The following KCNG3 variants were observed in gnomAD, a reference collection of about 807,000 sequenced individuals.
KCNG3 encodes the protein potassium voltage-gated channel modifier subfamily G member 3.
KCNG3 carries 15 observed loss-of-function variants against 29.0 expected under a neutral mutation model. The ratio of observed to expected loss-of-function variants is 0.52; its 90% CI spans 0.35 to 0.80. The LOEUF is 0.80. Ranked by LOEUF, KCNG3 falls within the 30% of genes least tolerant of loss-of-function variation. The probability of loss-of-function intolerance (pLI) is 0.01; values close to 1 mark genes in which losing one functional copy is unlikely to be tolerated. For synonymous variants in KCNG3, 322 were observed against 248.9 expected, an observed-to-expected ratio of 1.29 and a Z score of -2.76; for missense variants, 512 against 605.7, an observed-to-expected ratio of 0.85 and a Z score of 1.62.
the KCNG3 span, among the ~76,000 whole-genome samples, chr2:42,390,680 C>T: frequency 2.0e-5 from 3 of 152,246 alleles, no homozygotes; most frequent in African/African-American, 7.2e-5. Flanking sequence ...TTTCTCAGAA[C>T]TGTCAAACTG....
At chr2:42,417,345 G>A in the KCNG3 span, among the ~76,000 whole-genome samples, 2 of 152,106 alleles carry the variant, frequency 1.3e-5, no homozygotes, top group Non-Finnish European at 2.9e-5. Context: ...TTTGGAGACA[G>A]GGTCTCATTC....
At chr2:42,462,923 C>A (rs960322595) in intron 1 of KCNG3, among the ~76,000 whole-genome samples, 3 of 152,030 alleles carry the variant, frequency 2.0e-5, no homozygotes, top group African/African-American at 7.2e-5. Flanking sequence ...CTACCAAATT[C>A]CCCCCAAGTC....
Position 42,492,822 on chromosome 2 carries a change from A to G in KCNG3, c.665+15T>C. On this transcript the variant is annotated intron_variant, in intron 1 of 1. Transcript: ENST00000306078. Reference sequence around the variant, plus strand: ...ACAGGACGGACGGGACGGGTAGAGAAGCAGTGCGTCCTACCCGGAGGGCTC... The same window carrying G: ...ACAGGACGGACGGGACGGGTAGAGAGGCAGTGCGTCCTACCCGGAGGGCTC... 1 of 1,465,020 alleles carries G rather than the reference A, an allele frequency of 6.8e-7. No homozygotes were observed. The highest frequency in any genetic ancestry group is 2.6e-5 in the East Asian group (1 of 38,790). The allele number at this position is 1,465,020 out of a possible 1,614,324, so 90.8% of individuals were successfully genotyped here.
the KCNG3 span, among the ~76,000 whole-genome samples, chr2:42,399,301 G>T: frequency 6.6e-6 from 1 of 151,996 alleles, no homozygotes; most frequent in Admixed American, 6.6e-5. Flanking sequence ...CAAGTGATCT[G>T]CCCTGCCTCA....
chr2:42,472,452 G>T (rs927944879), intron 1 of KCNG3, among the ~76,000 whole-genome samples: 6 of 151,368 alleles, frequency 4.0e-5, no homozygotes, highest in African/African-American at 1.5e-4. Flanking sequence ...ACTTTCTGTG[G>T]AAAATGAAGG....
At chr2:42,415,961 G>C in the KCNG3 span, among the ~76,000 whole-genome samples, 1 of 152,160 alleles carries the variant, frequency 6.6e-6, no homozygotes, top group Non-Finnish European at 1.5e-5. Context: ...TTGGGAGGCC[G>C]ATGTGGGTGG....
chr2:42,400,861 A>G, the KCNG3 span, among the ~76,000 whole-genome samples: 3 of 152,152 alleles, frequency 2.0e-5, no homozygotes, highest in African/African-American at 7.2e-5. Flanking sequence ...GAAACAAAAA[A>G]AGAAGTTGTT....
chr2:42,432,949 CAAAAAAACAAA>C, the KCNG3 span, among the ~76,000 whole-genome samples: 2 of 121,938 alleles, frequency 1.6e-5, no homozygotes, highest in African/African-American at 3.1e-5. Context: ...AAAAAAAAAA[CAAAAAAACAAA>C]AAAAAAACAC....
chr2:42,492,991 G>T lies in KCNG3; in HGVS notation c.511C>A (p.Gln171Lys). Residue 171 changes from glutamine (Q) to lysine (K), a missense_variant, in exon 1 of 2, where the codon CAG (glutamine) becomes AAG (lysine). Transcript: ENST00000306078. ...FEEPTSSLAA[Q>K]ILASVSVVFV... ...ACCACCGACACGCTAGCCAGGATCTGCGCGGCCAGCGACGACGTGGGCTCC... is the reference window on the plus strand; with the variant it reads ...ACCACCGACACGCTAGCCAGGATCTTCGCGGCCAGCGACGACGTGGGCTCC... 6.5e-7 allele frequency: 1 copy of T among 1,538,356 alleles called. No individual in the cohort carries two copies. The highest frequency in any genetic ancestry group is 8.7e-7 in the Non-Finnish European group (1 of 1,146,072).
rs969540585 is a variant in KCNG3, at chr2:42,490,964, G to C, written c.665+1873C>G. The stretch of plus-strand genomic sequence containing the variant: ...GGCCATCCTGCAGTTTATCTGTTTG[G>C]GATTGCAGATATTGGTTTTCATATA... On this transcript the variant is annotated intron_variant, in intron 1 of 1. Coordinates refer to ENST00000306078, the MANE Select transcript of KCNG3 (RefSeq NM_133329.6). Among the ~76,000 whole-genome samples, 12 of 152,042 alleles carry C rather than the reference G, an allele frequency of 7.9e-5. No individual in the cohort carries two copies. In the South Asian group the frequency reaches 2.3e-3, roughly 29 times the overall value.
chr2:42,414,166 C>T, the KCNG3 span, among the ~76,000 whole-genome samples: 5 of 152,238 alleles, frequency 3.3e-5, no homozygotes, highest in South Asian at 6.2e-4. Context: ...TTCTCTTTTT[C>T]ACCTTTTCTT....
the KCNG3 span, among the ~76,000 whole-genome samples, chr2:42,431,859 G>A: frequency 4.6e-5 from 7 of 152,044 alleles, no homozygotes; most frequent in Admixed American, 4.6e-4. Context: ...CCAACATGGC[G>A]AAACCCCATC....
intron 1 of KCNG3, among the ~76,000 whole-genome samples, chr2:42,471,515 C>G (rs1332909705): frequency 2.0e-5 from 3 of 151,974 alleles, no homozygotes; most frequent in Non-Finnish European, 4.4e-5. Flanking sequence ...GTGTGACTAC[C>G]TAACAAGTAG....
At chr2:42,441,725 CAT>C (rs968835080), downstream of KCNG3, among the ~76,000 whole-genome samples, 2 of 150,420 alleles carry the variant, frequency 1.3e-5, no homozygotes, top group African/African-American at 4.9e-5. Flanking sequence ...TACACACACA[CAT>C]ATCCCTATAT....
At position 42,443,166 on chromosome 2, in the gene KCNG3, T is replaced by C. The variant is rs1286706061; in HGVS notation, c.*768A>G. ...GGACATCTAAATATTAGGACAGTTA[T>C]CACCTAGGAACAGCAATGAATTCAA... On this transcript the variant is annotated 3_prime_UTR_variant, in exon 2 of 2. Coordinates refer to ENST00000306078, the MANE Select transcript of KCNG3 (RefSeq NM_133329.6). 2 of 152,172 alleles carry C rather than the reference T, an allele frequency of 1.3e-5. No homozygotes were observed. Among genetic ancestry groups the C allele is most frequent in the Non-Finnish European group, 2.9e-5 (2 of 68,012 alleles). 9.4% of individuals were successfully genotyped at this position (152,172 alleles called of 1,614,324 possible).
chr2:42,461,186 A>ACAAAAC (rs1553328341), intron 1 of KCNG3, among the ~76,000 whole-genome samples: 4 of 105,574 alleles, frequency 3.8e-5, no homozygotes, highest in South Asian at 3.7e-4. Flanking sequence ...ACAAAACAAA[A>ACAAAAC]AAAAAAAAAA....
intron 1 of KCNG3, among the ~76,000 whole-genome samples, chr2:42,480,891 G>A (rs1393035859): frequency 1.3e-5 from 2 of 150,538 alleles, no homozygotes; most frequent in Non-Finnish European, 2.9e-5. Context: ...AGCAATTTTT[G>A]TGCCTCAGTC....
At chr2:42,491,151 C>G (rs184720990) in intron 1 of KCNG3, among the ~76,000 whole-genome samples, 1 of 152,166 alleles carries the variant, frequency 6.6e-6, no homozygotes, top group East Asian at 1.9e-4. Flanking sequence ...CCCTTCACTT[C>G]TTTTGCAGTC....
the KCNG3 span, among the ~76,000 whole-genome samples, chr2:42,436,644 G>A: frequency 6.6e-6 from 1 of 152,212 alleles, no homozygotes; most frequent in Non-Finnish European, 1.5e-5. Flanking sequence ...AATACAGTGT[G>A]AGTCGCAAAT....
Sources: allele counts gnomAD v4.1 joint callset (sites outside exome capture counted in the v4.1 genomes callset), GRCh38; gene constraint gnomAD v4.1.1; transcripts MANE v1.5; gene names NCBI Gene and HGNC (gene_info 2026-07-23, HGNC 2026-07-21).